UBA6: variants seen among roughly 807,000 people sequenced by gnomAD.
UBA6 encodes ubiquitin like modifier activating enzyme 6.
UBA6 carries 87 observed loss-of-function variants against 148.3 expected under a neutral mutation model. That is an observed-to-expected ratio of 0.59 (90% CI 0.49 to 0.70). The LOEUF is 0.70. Ranked by LOEUF, UBA6 falls within the 30% of genes least tolerant of loss-of-function variation. The pLI, the probability that UBA6 is intolerant of heterozygous loss-of-function variation, is 0.00. For synonymous variants in UBA6, 376 were observed against 401.0 expected (o/e 0.94, Z 0.75); for missense variants, 1,186 against 1,241.2 (o/e 0.96, Z 0.67).
chr4:67,627,844 T>C (rs1054032202), intron 27 of UBA6, among the ~76,000 whole-genome samples: 7 of 151,672 alleles, frequency 4.6e-5, no homozygotes, highest in African/African-American at 1.7e-4. Context: ...GAAAGGCATA[T>C]ACTGAACATG....
In UBA6 at chr4:67,616,439, A is replaced by T. The variant is rs985568280; in HGVS notation, c.*2558T>A. On this transcript the variant is annotated 3_prime_UTR_variant, in exon 33 of 33. Coordinates refer to ENST00000322244, the MANE Select transcript of UBA6 (RefSeq NM_018227.6). ...AGTGTGACATAGTAGATTAAAAAAT[A>T]AAGATATACATTTATTTCCATGTCC... 1.5e-5 allele frequency: 4 copies of T among 265,582 alleles called. No individual in the cohort carries two copies. Among genetic ancestry groups the T allele is most frequent in the African/African-American group, 8.7e-5 (4 of 45,954 alleles). The allele number at this position is 265,582 out of a possible 1,614,324, so 16.5% of individuals were successfully genotyped here.
chr4:67,698,734 C>T lies in UBA6; in HGVS notation c.72-2027G>A, dbSNP rs539576513. ...CAGCACTTTGGGAGGCCAAGGCAGG[C>T]GGACCACCTGAAGTCAGGAGTTCGA... is the stretch of plus-strand genomic sequence containing the variant. On this transcript the variant is annotated intron_variant, in intron 1 of 32. Coordinates refer to ENST00000322244, the MANE Select transcript of UBA6 (RefSeq NM_018227.6). Among the ~76,000 whole-genome samples the T allele has an allele frequency of 5.3e-5, 8 of 152,256 alleles. No individual in the cohort carries two copies. The South Asian group carries it at 1.4e-3, about 28-fold the overall frequency.
rs563781041 is a variant in UBA6, at chr4:67,643,436, A to C, written c.1476+1262T>G. On this transcript the variant is annotated intron_variant, in intron 17 of 32. Coordinates refer to ENST00000322244, the MANE Select transcript of UBA6 (RefSeq NM_018227.6). ...TTTTACATTTGCTTTAAAGGCTGTAAGTTTTAGTGGTCTTAAATTTGTTAT... is the reference window on the plus strand; with the variant it reads ...TTTTACATTTGCTTTAAAGGCTGTACGTTTTAGTGGTCTTAAATTTGTTAT... Among the ~76,000 whole-genome samples, 158 of 152,042 alleles carry C rather than the reference A, an allele frequency of 1.0e-3. 1 individual carries two copies. The highest frequency in any genetic ancestry group is 3.7e-3 in the African/African-American group (153 of 41,508).
At chr4:67,663,735 A>G (rs1448447587) in intron 11 of UBA6, 150 bp downstream of exon 11, 2 of 540,332 alleles carry the variant, frequency 3.7e-6, no homozygotes, top group African/African-American at 3.9e-5. Context: ...AGTCAACTTT[A>G]GATATGTGAG....
chr4:67,644,615 T>G (rs899506529), intron 17 of UBA6, 83 bp downstream of exon 17: 3 of 767,346 alleles, frequency 3.9e-6, no homozygotes, highest in Non-Finnish European at 6.6e-6. Flanking sequence ...AAACTGATAC[T>G]TCAGATTTAT....
chr4:67,637,040 C>T (rs181180116), intron 19 of UBA6, among the ~76,000 whole-genome samples: 3,002 of 150,086 alleles, frequency 0.02, 149 homozygotes, highest in Admixed American at 0.12. Context: ...TCTGCCCGGC[C>T]GCGACCCTGT....
At chr4:67,678,717 C>T (rs1328107538) in intron 4 of UBA6, among the ~76,000 whole-genome samples, 184 bp from the exon 5 acceptor site, 2 of 152,152 alleles carry the variant, frequency 1.3e-5, no homozygotes, top group African/African-American at 4.8e-5. Context: ...TAACTTTTCT[C>T]ACTTGTTAGA....
At chr4:67,637,711 G>A (rs1023737760) in intron 19 of UBA6, among the ~76,000 whole-genome samples, 3 of 152,210 alleles carry the variant, frequency 2.0e-5, no homozygotes, top group African/African-American at 7.2e-5. Flanking sequence ...GGTGCAAGAT[G>A]TGCTTTGTTA....
rs72642367 is a variant in UBA6 at position 67,650,130 on chromosome 4, G to T, written c.1105-919C>A. 2.0e-3 allele frequency among the ~76,000 whole-genome samples: 307 copies of T among 152,054 alleles called. 1 individual carries two copies. The highest frequency in any genetic ancestry group is 4.0e-3 in the South Asian group (19 of 4,808). Reference sequence around the variant, plus strand: ...TTACAATTTAAATTCTGCAATTTTTGAATGCAGATATTGTTGGTGGTGATA... The same window carrying T: ...TTACAATTTAAATTCTGCAATTTTTTAATGCAGATATTGTTGGTGGTGATA... On this transcript the variant is annotated intron_variant, in intron 13 of 32. Coordinates refer to ENST00000322244, the MANE Select transcript of UBA6 (RefSeq NM_018227.6).
chr4:67,676,770 G>A (rs1730290357), intron 6 of UBA6, among the ~76,000 whole-genome samples: 1 of 152,064 alleles, frequency 6.6e-6, no homozygotes, highest in African/African-American at 2.4e-5. Flanking sequence ...TTTGAGCTCG[G>A]ATAGTCATTT....
At chr4:67,685,743 G>T (rs1730541710) in intron 2 of UBA6, among the ~76,000 whole-genome samples, 1 of 152,066 alleles carries the variant, frequency 6.6e-6, no homozygotes. Flanking sequence ...ATTATTGTGG[G>T]AGTGGGTTAT....
chr4:67,649,772 T>C (rs191295857), intron 13 of UBA6, among the ~76,000 whole-genome samples: 19 of 152,286 alleles, frequency 1.2e-4, no homozygotes, highest in African/African-American at 3.1e-4. Flanking sequence ...AAAGGAAATA[T>C]TGGAAAACTG....
At chr4:67,670,381 C>T (rs931568601) in intron 8 of UBA6, 89 bp downstream of exon 8, 5 of 1,160,138 alleles carry the variant, frequency 4.3e-6, no homozygotes, top group Non-Finnish European at 6.2e-6. Context: ...TTGCACACTG[C>T]AATACTTTGC....
intron 17 of UBA6, among the ~76,000 whole-genome samples, chr4:67,642,030 A>G (rs1278951206): frequency 6.6e-6 from 1 of 152,060 alleles, no homozygotes; most frequent in Non-Finnish European, 1.5e-5. Flanking sequence ...GATATTTTTA[A>G]TATTTCTGTG....
intron 10 of UBA6, 49 bp from the exon 11 acceptor site, chr4:67,663,996 T>C (rs776541735): frequency 4.2e-6 from 6 of 1,441,276 alleles, no homozygotes; most frequent in Admixed American, 1.8e-5. Context: ...AGTGATTATT[T>C]GACAAAATAT....
At chr4:67,631,187 C>T (rs1396910294) in intron 25 of UBA6, among the ~76,000 whole-genome samples, 1 of 151,954 alleles carries the variant, frequency 6.6e-6, no homozygotes, top group African/African-American at 2.4e-5. Flanking sequence ...ATATGTGAGA[C>T]CTTGTCTCTT....
chr4:67,644,855 G>T, intron 16 of UBA6, 77 bp from the exon 17 acceptor site: 1 of 698,122 alleles, frequency 1.4e-6, no homozygotes, highest in Non-Finnish European at 2.4e-6. Flanking sequence ...ATATTTAACA[G>T]GTTTATTTTA....
chr4:67,689,066 A>G (rs1457027413), intron 2 of UBA6, among the ~76,000 whole-genome samples: 2 of 152,128 alleles, frequency 1.3e-5, no homozygotes, highest in Non-Finnish European at 2.9e-5. Flanking sequence ...TACTTTGGGT[A>G]CCCATACAAC....
At chr4:67,686,042 A>G (rs2109954218) in intron 2 of UBA6, among the ~76,000 whole-genome samples, 1 of 152,370 alleles carries the variant, frequency 6.6e-6, no homozygotes, top group Non-Finnish European at 1.5e-5. Flanking sequence ...GGGATTAAAG[A>G]GCTGAGAGTA....
Sources: allele counts gnomAD v4.1 joint callset (sites outside exome capture counted in the v4.1 genomes callset), GRCh38; gene constraint gnomAD v4.1.1; transcripts MANE v1.5; gene names NCBI Gene and HGNC (gene_info 2026-07-23, HGNC 2026-07-21).